The following SEC24A variants were observed in gnomAD, a reference collection of about 807,000 sequenced individuals.
SEC24A encodes protein transport protein Sec24A.
In SEC24A, 93 loss-of-function variants were observed where a neutral mutation model predicts 129.4. That is an observed-to-expected ratio of 0.72 (90% CI 0.61 to 0.85). The LOEUF is 0.85. Ranked by LOEUF, SEC24A falls within the 40% of genes least tolerant of loss-of-function variation. The pLI is 0.00. For missense variants in SEC24A, 1,264 were observed against 1,307.4 expected (o/e 0.97, Z 0.51); for synonymous variants, 460 against 467.3 (o/e 0.98, Z 0.20).
At chr5:134,713,801 C>T (rs991990192) in intron 18 of SEC24A, among the ~76,000 whole-genome samples, 17 of 150,316 alleles carry the variant, frequency 1.1e-4, no homozygotes, top group East Asian at 2.0e-4. Flanking sequence ...GAGGCCGAGG[C>T]GGGCGGATCA....
At chr5:134,713,719 A>G (rs571753114) in intron 18 of SEC24A, among the ~76,000 whole-genome samples, 1 of 152,050 alleles carries the variant, frequency 6.6e-6, no homozygotes, top group African/African-American at 2.4e-5. Context: ...CTTTCCATCA[A>G]TTGGAATACT....
intron 4 of SEC24A, among the ~76,000 whole-genome samples, chr5:134,673,676 C>T (rs2150081636): frequency 6.6e-6 from 1 of 151,178 alleles, no homozygotes; most frequent in East Asian, 2.0e-4. Flanking sequence ...CCAGGCTGGT[C>T]TCCAACTCCT....
At position 134,662,367 on chromosome 5, in the gene SEC24A, G is replaced by A. The variant is rs1426332148; in HGVS notation, c.565+781G>A. 8.6e-5 allele frequency among the ~76,000 whole-genome samples: 13 copies of A among 152,010 alleles called. No individual in the cohort carries two copies. The South Asian group carries it at 2.5e-3, about 29-fold the overall frequency. On this transcript the variant is annotated intron_variant, in intron 2 of 22. Coordinates refer to ENST00000398844, the MANE Select transcript of SEC24A (RefSeq NM_021982.3). Reference sequence around the variant, plus strand: ...GACGGGGTTTCACCGTGTTAGCCAGGATGGTCTCGATCTCCTGACCTCGTG... The same window carrying A: ...GACGGGGTTTCACCGTGTTAGCCAGAATGGTCTCGATCTCCTGACCTCGTG...
intron 9 of SEC24A, among the ~76,000 whole-genome samples, chr5:134,685,189 G>A (rs531977934): frequency 6.6e-6 from 1 of 152,060 alleles, no homozygotes; most frequent in East Asian, 1.9e-4. Flanking sequence ...GGGCAATGTA[G>A]CGAGACCCAA....
At chr5:134,656,134 G>A (rs898589304) in intron 1 of SEC24A, among the ~76,000 whole-genome samples, 1 of 148,934 alleles carries the variant, frequency 6.7e-6, no homozygotes, top group Non-Finnish European at 1.5e-5. Context: ...CCAGGCTGGA[G>A]TGAGGTGGCA....
chr5:134,721,778 G>GGGA (rs1458668439), intron 21 of SEC24A, among the ~76,000 whole-genome samples: 1 of 152,020 alleles, frequency 6.6e-6, no homozygotes, highest in Non-Finnish European at 1.5e-5. Flanking sequence ...AGGCTGAAAT[G>GGGA]GGAGGAGTGC....
At chr5:134,721,500 T>C (rs1382160582) in intron 21 of SEC24A, among the ~76,000 whole-genome samples, 1 of 149,444 alleles carries the variant, frequency 6.7e-6, no homozygotes. Context: ...GAGGTGGACA[T>C]TGCAGTGAGC....
At chr5:134,667,200 A>T (rs1750691235) in intron 3 of SEC24A, among the ~76,000 whole-genome samples, 2 of 152,106 alleles carry the variant, frequency 1.3e-5, no homozygotes, top group African/African-American at 4.8e-5. Context: ...TTGGGAAAAA[A>T]GCTCTTAGTG....
intron 4 of SEC24A, among the ~76,000 whole-genome samples, chr5:134,672,484 A>C (rs1180215147): frequency 6.6e-6 from 1 of 151,620 alleles, no homozygotes; most frequent in East Asian, 1.9e-4. Context: ...CACCATGCCC[A>C]GGCCCTGGCT....
rs1479788099 is a variant in SEC24A, at chr5:134,649,015, C to CT, written c.-59dup. On this transcript the variant is annotated 5_prime_UTR_variant, in exon 1 of 23. Coordinates refer to ENST00000398844, the MANE Select transcript of SEC24A (RefSeq NM_021982.3). Reference sequence around the variant, plus strand: ...TCCTCCCTCCGCTTTCAGCAGTGGTCTTTCAGCTCTCTTCTTGTGCGCTGT... The same window carrying CT: ...TCCTCCCTCCGCTTTCAGCAGTGGTCTTTTCAGCTCTCTTCTTGTGCGCTGT... 6 of 1,248,954 alleles carry CT rather than the reference C, an allele frequency of 4.8e-6. No homozygotes were observed. The East Asian group carries it at 1.5e-4, about 31-fold the overall frequency. 77.4% of individuals were successfully genotyped at this position (1,248,954 alleles called of 1,614,324 possible). A position where few individuals can be genotyped will look rare whatever the true frequency, so the allele number is the denominator to read the frequency against.
chr5:134,700,792 C>G (rs967638068), intron 15 of SEC24A, among the ~76,000 whole-genome samples: 1 of 151,666 alleles, frequency 6.6e-6, no homozygotes, highest in African/African-American at 2.4e-5. Flanking sequence ...GATCTCCGCT[C>G]ACTGCAAGCT....
rs553220866 is a variant in SEC24A, at chr5:134,656,284, G to A, written c.98-4835G>A. Among the ~76,000 whole-genome samples the A allele has an allele frequency of 5.5e-4, 84 of 151,980 alleles. 1 individual carries two copies. Among genetic ancestry groups the A allele is most frequent in the African/African-American group, 1.7e-3 (69 of 41,490 alleles). ...TTTTTAGAAGAGATGGGGTTTCACC[G>A]TCTTAGGATGGTGTTGCTCTCCTGA... On this transcript the variant is annotated intron_variant, in intron 1 of 22. Transcript: ENST00000398844.
chr5:134,688,086 G>T, intron 10 of SEC24A, 95 bp from the exon 11 acceptor site: 2 of 783,792 alleles, frequency 2.6e-6, no homozygotes, highest in Admixed American at 2.1e-5. Flanking sequence ...CTATAATATT[G>T]AATTAGATAT....
intron 9 of SEC24A, among the ~76,000 whole-genome samples, chr5:134,683,169 C>T (rs1010038723): frequency 2.0e-5 from 3 of 151,622 alleles, no homozygotes; most frequent in Non-Finnish European, 4.4e-5. Context: ...ATTATAGGCG[C>T]GAGCCAACAC....
chr5:134,700,147 C>G lies in SEC24A; in HGVS notation c.2266+2090C>G, dbSNP rs557102726. ...TTGCTCTGTAAGGGGGTGTGGAGCA[C>G]AGATTGAGTTTTTATTTAAATAAAT... On this transcript the variant is annotated intron_variant, in intron 15 of 22. Transcript: ENST00000398844. 9.2e-5 allele frequency among the ~76,000 whole-genome samples: 14 copies of G among 151,752 alleles called. No homozygotes were observed. In the South Asian group the frequency reaches 2.5e-3, roughly 27 times the overall value.
intron 11 of SEC24A, among the ~76,000 whole-genome samples, chr5:134,691,170 C>CT (rs59710898): frequency 0.028 from 3,275 of 117,874 alleles, 58 homozygotes; most frequent in Middle Eastern, 0.069. Context: ...TAGTCCCATT[C>CT]TTTTTTTTTT....
At chr5:134,696,559 T>C (rs1427786902) in intron 13 of SEC24A, among the ~76,000 whole-genome samples, 1 of 151,928 alleles carries the variant, frequency 6.6e-6, no homozygotes, top group Non-Finnish European at 1.5e-5. Context: ...AGTGCAGTGG[T>C]GCGATCTCAG....
chr5:134,712,038 C>T (rs1042576260), intron 18 of SEC24A, among the ~76,000 whole-genome samples: 4 of 151,658 alleles, frequency 2.6e-5, no homozygotes, highest in South Asian at 2.1e-4. Flanking sequence ...TGAGCCACCG[C>T]GCCTGGCCGG....
At chr5:134,687,330 A>G (rs1297185632) in intron 10 of SEC24A, among the ~76,000 whole-genome samples, 2 of 152,196 alleles carry the variant, frequency 1.3e-5, no homozygotes, top group Admixed American at 6.6e-5. Context: ...TCTAATACCT[A>G]GTTTATTTTT....
Sources: allele counts gnomAD v4.1 joint callset (sites outside exome capture counted in the v4.1 genomes callset), GRCh38; gene constraint gnomAD v4.1.1; transcripts MANE v1.5; gene names NCBI Gene and HGNC (gene_info 2026-07-23, HGNC 2026-07-21).